The following PTPRK variants were observed in gnomAD, a reference collection of about 807,000 sequenced individuals.
PTPRK encodes the protein receptor-type tyrosine-protein phosphatase kappa.
PTPRK carries 75 observed loss-of-function variants against 178.0 expected under a neutral mutation model. That is an observed-to-expected ratio of 0.42 (90% CI 0.35 to 0.51). PTPRK has a LOEUF of 0.51. Among genes scored for constraint, PTPRK ranks in the 20% least tolerant of loss-of-function variants. The pLI, the probability that PTPRK is intolerant of heterozygous loss-of-function variation, is 0.02. For synonymous variants in PTPRK, 637 were observed against 620.6 expected, an observed-to-expected ratio of 1.03 and a Z score of -0.39; for missense variants, 1,441 against 1,797.8, an observed-to-expected ratio of 0.80 and a Z score of 3.59.
At position 128,115,502 on chromosome 6, in the gene PTPRK, C is replaced by T. The variant is rs917379247; in HGVS notation, c.1163-25510G>A. Among the ~76,000 whole-genome samples, 7 of 151,826 alleles carry T rather than the reference C, an allele frequency of 4.6e-5. No homozygotes were observed. The East Asian group carries it at 1.2e-3, about 25-fold the overall frequency. On this transcript the variant is annotated intron_variant, in intron 7 of 29. Transcript: ENST00000368226. ...AGAGTAATGATTTTATTATAAAAAG[C>T]TGATCATAAAAATAAAATTAGGAAG...
At chr6:128,494,614 G>A (rs908115467) in intron 1 of PTPRK, among the ~76,000 whole-genome samples, 1 of 152,144 alleles carries the variant, frequency 6.6e-6, no homozygotes, top group Admixed American at 6.5e-5. Context: ...ACAACAAAAG[G>A]AGAAAAAATG....
intron 1 of PTPRK, among the ~76,000 whole-genome samples, chr6:128,447,079 C>T (rs76331123): frequency 1.4e-4 from 21 of 152,122 alleles, no homozygotes; most frequent in African/African-American, 1.9e-4. Flanking sequence ...TGAGGGGGTA[C>T]GAAAATGTTT....
intron 6 of PTPRK, among the ~76,000 whole-genome samples, chr6:128,194,287 C>T (rs1156272301): frequency 2.0e-5 from 3 of 151,800 alleles, no homozygotes; most frequent in East Asian, 1.9e-4. Flanking sequence ...GGGGTTTCAC[C>T]GTGTTAGCCA....
chr6:127,996,997 A>T lies in PTPRK; in HGVS notation c.2680-9T>A. ...TGTCCTTCAAAAAAGCTCTGGGAAA[A>T]CAAAACGAATAAGCAGACTGAATTT... On this transcript the variant is annotated splice_polypyrimidine_tract_variant and intron_variant, in intron 16 of 29. Coordinates refer to ENST00000368226, the MANE Select transcript of PTPRK (RefSeq NM_002844.4). 6.2e-7 allele frequency: 1 copy of T among 1,609,536 alleles called. No homozygotes were observed. The highest frequency in any genetic ancestry group is 8.5e-7 in the Non-Finnish European group (1 of 1,177,222).
intron 7 of PTPRK, among the ~76,000 whole-genome samples, chr6:128,136,420 C>G (rs1047496509): frequency 6.6e-6 from 1 of 152,090 alleles, no homozygotes. Flanking sequence ...GATCTAGGAT[C>G]GGAATGTGTA....
chr6:128,347,831 T>A (rs1832618664), intron 2 of PTPRK, among the ~76,000 whole-genome samples: 1 of 152,120 alleles, frequency 6.6e-6, no homozygotes, highest in Admixed American at 6.6e-5. Context: ...TTTATAACAC[T>A]CCGATCTCTA....
intron 13 of PTPRK, among the ~76,000 whole-genome samples, chr6:128,029,795 T>A (rs191512220): frequency 6.6e-6 from 1 of 152,064 alleles, no homozygotes; most frequent in Admixed American, 6.6e-5. Flanking sequence ...TAAAGCATCA[T>A]GATCCAGATG....
chr6:128,169,766 AAT>A (rs1156681808), intron 7 of PTPRK, among the ~76,000 whole-genome samples: 1 of 141,790 alleles, frequency 7.1e-6, no homozygotes, highest in African/African-American at 2.7e-5. Context: ...TTCCCACTTA[AAT>A]ATGTTATTTT....
At chr6:128,269,780 G>A (rs180725706) in intron 3 of PTPRK, among the ~76,000 whole-genome samples, 1 of 152,042 alleles carries the variant, frequency 6.6e-6, no homozygotes, top group East Asian at 1.9e-4. Flanking sequence ...AAAAGGAGGA[G>A]AGAGAGATTG....
At chr6:128,279,795 A>T (rs1821381771) in intron 3 of PTPRK, among the ~76,000 whole-genome samples, 1 of 152,180 alleles carries the variant, frequency 6.6e-6, no homozygotes. Context: ...ACTGAGTGGA[A>T]GAAAGTATTC....
intron 2 of PTPRK, among the ~76,000 whole-genome samples, chr6:128,338,593 T>C (rs184733652): frequency 6.6e-6 from 1 of 152,290 alleles, no homozygotes; most frequent in African/African-American, 2.4e-5. Flanking sequence ...AGTGGAGACC[T>C]ACTGCTGGGT....
chr6:128,271,263 A>C (rs1819772090), intron 3 of PTPRK, among the ~76,000 whole-genome samples: 1 of 152,116 alleles, frequency 6.6e-6, no homozygotes, highest in South Asian at 2.1e-4. Flanking sequence ...GTCAAAAGCA[A>C]AGGAAACATG....
intron 2 of PTPRK, among the ~76,000 whole-genome samples, chr6:128,368,920 A>G (rs944990094): frequency 6.6e-6 from 1 of 151,466 alleles, no homozygotes; most frequent in Non-Finnish European, 1.5e-5. Context: ...CTCTATTTAA[A>G]AAAACAAAAC....
chr6:128,493,539 T>C (rs566031728), intron 1 of PTPRK, among the ~76,000 whole-genome samples: 54 of 134,540 alleles, frequency 4.0e-4, no homozygotes, highest in Non-Finnish European at 7.0e-4. Context: ...TCCAGCTGGG[T>C]GAAAGAGCGA....
intron 1 of PTPRK, among the ~76,000 whole-genome samples, chr6:128,493,013 TG>T (rs1218603620): frequency 2.0e-5 from 3 of 152,144 alleles, no homozygotes; most frequent in Non-Finnish European, 4.4e-5. Flanking sequence ...GCCACCAAAA[TG>T]TAAGTATTTT....
chr6:128,082,656 T>C lies in PTPRK; in HGVS notation c.1576-18A>G. On this transcript the variant is annotated intron_variant, in intron 9 of 29. Transcript: ENST00000368226. The stretch of plus-strand genomic sequence containing the variant: ...TAGCTGATCTGTTTTAAGAAATACA[T>C]TTATTACATATCTAGTATCCATCAT... 6.5e-7 allele frequency: 1 copy of C among 1,540,972 alleles called. No individual in the cohort carries two copies. Among genetic ancestry groups the C allele is most frequent in the East Asian group, 2.3e-5 (1 of 43,858 alleles).
chr6:128,004,817 G>T (rs779022767), intron 15 of PTPRK, among the ~76,000 whole-genome samples: 4 of 151,704 alleles, frequency 2.6e-5, no homozygotes, highest in African/African-American at 9.7e-5. Flanking sequence ...GCAATGACAC[G>T]TGCTATGGAC....
intron 11 of PTPRK, among the ~76,000 whole-genome samples, chr6:128,069,158 T>C (rs1295791292): frequency 6.6e-6 from 1 of 151,100 alleles, no homozygotes; most frequent in Non-Finnish European, 1.5e-5. Context: ...AAATTACAGA[T>C]TTTCTTTTCT....
intron 1 of PTPRK, among the ~76,000 whole-genome samples, chr6:128,414,081 C>A (rs1842588335): frequency 6.6e-6 from 1 of 152,082 alleles, no homozygotes; most frequent in Non-Finnish European, 1.5e-5. Flanking sequence ...GCAACAAATT[C>A]CCTGTGATAC....
Sources: allele counts gnomAD v4.1 joint callset (sites outside exome capture counted in the v4.1 genomes callset), GRCh38; gene constraint gnomAD v4.1.1; transcripts MANE v1.5; gene names NCBI Gene and HGNC (gene_info 2026-07-23, HGNC 2026-07-21).